CELF2: variants seen among roughly 807,000 people sequenced by gnomAD.
CELF2 encodes CUG triplet repeat RNA-binding protein 2.
In CELF2, 8 loss-of-function variants were observed where a neutral mutation model predicts 62.6. The ratio of observed to expected loss-of-function variants is 0.13; its 90% CI spans 0.07 to 0.23. The LOEUF (loss-of-function observed/expected upper bound fraction) is 0.23, where lower values mean the gene tolerates loss of function less well. Among genes scored for constraint, CELF2 ranks in the 10% least tolerant of loss-of-function variants. The pLI is 1.00. For synonymous variants in CELF2, 258 were observed against 250.0 expected, an observed-to-expected ratio of 1.03 and a Z score of -0.30; for missense variants, 333 against 671.0, an observed-to-expected ratio of 0.50 and a Z score of 5.56.
chr10:10,930,190 G>C lies in CELF2; in HGVS notation c.89+10191G>C, dbSNP rs573422544. On this transcript the variant is annotated intron_variant, in intron 2 of 13. Coordinates refer to the CELF2 transcript ENST00000636488. Reference sequence around the variant, plus strand: ...TTAGAATATTGTTAAGTTACTCACTGTGTGACCTATTTAGACTTCTCAGAT... The same window carrying C: ...TTAGAATATTGTTAAGTTACTCACTCTGTGACCTATTTAGACTTCTCAGAT... Among the ~76,000 whole-genome samples, 5 of 152,306 alleles carry C rather than the reference G, an allele frequency of 3.3e-5. No homozygotes were observed. In the South Asian group the frequency reaches 1.0e-3, roughly 32 times the overall value.
At chr10:11,164,161 A>G (rs903276569) in intron 1 of CELF2, among the ~76,000 whole-genome samples, 1 of 152,222 alleles carries the variant, frequency 6.6e-6, no homozygotes, top group Non-Finnish European at 1.5e-5. Flanking sequence ...TCACAGGCTG[A>G]GAAGCTGGAG....
intron 1 of CELF2, among the ~76,000 whole-genome samples, chr10:11,050,598 A>G (rs1027462794): frequency 1.3e-5 from 2 of 152,236 alleles, no homozygotes; most frequent in South Asian, 2.1e-4. Context: ...ACTCTTTAAT[A>G]TTGGGTTGAG....
At chr10:11,326,066 G>A in intron 12 of CELF2, 87 bp downstream of exon 12, 2 of 1,311,412 alleles carry the variant, frequency 1.5e-6, no homozygotes, top group Non-Finnish European at 2.1e-6. Flanking sequence ...GTTTCAGCCA[G>A]GATAGGGCCT....
intron 2 of CELF2, among the ~76,000 whole-genome samples, chr10:10,975,873 C>G (rs942832809): frequency 4.6e-5 from 7 of 152,166 alleles, no homozygotes; most frequent in African/African-American, 1.7e-4. Flanking sequence ...GACTCATAGG[C>G]AACACACTAA....
the CELF2 span, among the ~76,000 whole-genome samples, chr10:10,503,119 T>C: frequency 6.6e-6 from 1 of 151,938 alleles, no homozygotes; most frequent in African/African-American, 2.4e-5. Flanking sequence ...TTTTTTACAT[T>C]TGTTAAAATT....
the CELF2 span, among the ~76,000 whole-genome samples, chr10:10,492,953 A>G: frequency 1.3e-5 from 2 of 152,228 alleles, no homozygotes; most frequent in African/African-American, 4.8e-5. Flanking sequence ...GTGTAGTAAG[A>G]CGTGCCTTTC....
intron 1 of CELF2, among the ~76,000 whole-genome samples, chr10:11,150,219 A>G (rs2063072469): frequency 1.3e-5 from 2 of 152,214 alleles, no homozygotes; most frequent in African/African-American, 4.8e-5. Flanking sequence ...TGTGATTTTC[A>G]AAGAAAATGT....
intron 1 of CELF2, among the ~76,000 whole-genome samples, chr10:11,123,192 G>A (rs906866334): frequency 6.6e-6 from 1 of 152,080 alleles, no homozygotes; most frequent in African/African-American, 2.4e-5. Flanking sequence ...TAAAGTCCTT[G>A]CTTACAAGCA....
intron 3 of CELF2, 61 bp from the exon 4 acceptor site, chr10:11,249,092 T>C: frequency 7.4e-7 from 1 of 1,352,806 alleles, no homozygotes; most frequent in Non-Finnish European, 1.1e-6. Flanking sequence ...TGCTGCAGAT[T>C]TCTGAGATGA....
At chr10:11,146,154 A>C (rs1564932427) in intron 1 of CELF2, among the ~76,000 whole-genome samples, 2 of 151,916 alleles carry the variant, frequency 1.3e-5, no homozygotes, top group Non-Finnish European at 2.9e-5. Flanking sequence ...AAGCATCAAA[A>C]CCCTCCCTCT....
the CELF2 span, among the ~76,000 whole-genome samples, chr10:10,768,772 C>G: frequency 3.3e-5 from 5 of 152,002 alleles, no homozygotes; most frequent in Admixed American, 2.0e-4. Context: ...CAGGGTTTCA[C>G]CATGTTGGTA....
chr10:11,292,708 TC>T (rs2092682712), intron 9 of CELF2, among the ~76,000 whole-genome samples: 1 of 152,150 alleles, frequency 6.6e-6, no homozygotes, highest in East Asian at 1.9e-4. Context: ...ACTGCAGTGG[TC>T]CCACATCCTC....
chr10:11,090,358 T>C (rs1030736992), intron 1 of CELF2, among the ~76,000 whole-genome samples: 4 of 152,198 alleles, frequency 2.6e-5, no homozygotes, highest in African/African-American at 7.2e-5. Flanking sequence ...GACTTATTTT[T>C]GACCTTCAGA....
rs34928215 is a variant in CELF2 at position 11,311,385 on chromosome 10, C to G, written c.977-2754C>G. 0.12 allele frequency among the ~76,000 whole-genome samples: 18,202 copies of G among 152,126 alleles called. 1,154 individuals carry two copies. The highest frequency in any genetic ancestry group is 0.16 in the Middle Eastern group (47 of 294). On this transcript the variant is annotated intron_variant, in intron 9 of 12. Transcript: ENST00000633077. The surrounding 1 kb of genome is among the most constrained non-coding windows in gnomAD (Gnocchi z 4.7). ...TCATCTTGAAAGAACCCATCTTCAA[C>G]CCAGGCCTCAAATTATTCCTAGAAA...
chr10:11,113,707 G>A (rs904885984), intron 1 of CELF2, among the ~76,000 whole-genome samples: 2 of 152,156 alleles, frequency 1.3e-5, no homozygotes, highest in South Asian at 2.1e-4. Flanking sequence ...TATTAAATAC[G>A]ACAGTCCACC....
At chr10:10,815,954 C>T (rs1318316370) in intron 1 of CELF2, among the ~76,000 whole-genome samples, 4 of 133,856 alleles carry the variant, frequency 3.0e-5, no homozygotes, top group Non-Finnish European at 3.2e-5. Flanking sequence ...TTTTGATCAT[C>T]GTTTCTTATT....
chr10:11,159,928 A>T lies in CELF2; in HGVS notation c.75-5558A>T, dbSNP rs966322066. On this transcript the variant is annotated intron_variant, in intron 1 of 12. Coordinates refer to ENST00000633077, the MANE Select transcript of CELF2 (RefSeq NM_001326342.2). This position sits in a 1 kb window ranked among gnomAD's most constrained non-coding sequence, Gnocchi z 5.0. ...TTAGGACATTAAGAAGAGCATTGGC[A>T]TACCTGGCAAGAGATGGGGCTCTCG... Among the ~76,000 whole-genome samples the T allele has an allele frequency of 1.3e-5, 2 of 152,252 alleles. No individual in the cohort carries two copies. The highest frequency in any genetic ancestry group is 2.9e-5 in the Non-Finnish European group (2 of 68,048).
At position 11,330,560 on chromosome 10, in the gene CELF2, ACAT is replaced by A. The variant is rs2095990549; in HGVS notation, c.*1511_*1513del. On this transcript the variant is annotated 3_prime_UTR_variant, in exon 13 of 13. Coordinates refer to ENST00000633077, the MANE Select transcript of CELF2 (RefSeq NM_001326342.2). This position sits in a 1 kb window ranked among gnomAD's most constrained non-coding sequence, Gnocchi z 4.5. ...TTGTTTCTGATGTCTTTCTGACCTC[ACAT>A]CATATTTGGTTCTCCTACTGACCTT... 1 of 152,420 alleles carries A rather than the reference ACAT, an allele frequency of 6.6e-6. No homozygotes were observed. The highest frequency in any genetic ancestry group is 2.4e-5 in the African/African-American group (1 of 41,344). 9.4% of individuals were successfully genotyped at this position (152,420 alleles called of 1,614,324 possible).
intron 1 of CELF2, chr10:10,846,155 C>T (rs2058999285): frequency 1.0e-6 from 1 of 980,682 alleles, no homozygotes; most frequent in African/African-American, 1.8e-5. Flanking sequence ...TCGCTATTCA[C>T]AGTAAGGAAT....
Sources: allele counts gnomAD v4.1 joint callset (sites outside exome capture counted in the v4.1 genomes callset), GRCh38; gene constraint gnomAD v4.1.1; non-coding constraint Gnocchi (gnomAD v3.1); transcripts MANE v1.5; gene names NCBI Gene and HGNC (gene_info 2026-07-23, HGNC 2026-07-21).